The following CCDC81 variants were observed in gnomAD, a reference collection of about 807,000 sequenced individuals.
CCDC81 encodes coiled-coil domain containing 81, also known as coiled-coil domain-containing protein 81.
CCDC81 carries 79 observed loss-of-function variants against 83.7 expected under a neutral mutation model. The observed-to-expected ratio is 0.94, with a 90% CI of 0.79 to 1.14. The LOEUF (loss-of-function observed/expected upper bound fraction) is 1.14, where lower values mean the gene tolerates loss of function less well. Ranked by LOEUF, CCDC81 falls within the 50% of genes most tolerant of loss-of-function variation. The pLI is 0.00. For missense variants in CCDC81, 791 were observed against 778.1 expected, an observed-to-expected ratio of 1.02 and a Z score of -0.20; for synonymous variants, 252 against 278.1, an observed-to-expected ratio of 0.91 and a Z score of 0.93.
intron 1 of CCDC81, among the ~76,000 whole-genome samples, chr11:86,377,419 G>A (rs562749780): frequency 9.2e-5 from 14 of 152,244 alleles, no homozygotes; most frequent in African/African-American, 3.1e-4. Flanking sequence ...ATTCCCAAGA[G>A]CGATGAATGA....
intron 3 of CCDC81, among the ~76,000 whole-genome samples, chr11:86,389,289 C>A (rs1025476943): frequency 1.3e-5 from 2 of 151,868 alleles, no homozygotes; most frequent in South Asian, 4.2e-4. Context: ...AAATTTAAAA[C>A]CCCCAAAGAA....
intron 7 of CCDC81, among the ~76,000 whole-genome samples, chr11:86,401,867 T>G (rs941687518): frequency 2.0e-5 from 3 of 152,192 alleles, no homozygotes; most frequent in African/African-American, 7.2e-5. Context: ...CCAGGCGCAG[T>G]GGCTCACGCC....
At chr11:86,394,355 T>A (rs543914343) in intron 4 of CCDC81, among the ~76,000 whole-genome samples, 1 of 152,230 alleles carries the variant, frequency 6.6e-6, no homozygotes. Context: ...TGAAAACTGC[T>A]GATCGAATCA....
At chr11:86,386,766 T>A (rs1948246512) in intron 2 of CCDC81, among the ~76,000 whole-genome samples, 2 of 152,222 alleles carry the variant, frequency 1.3e-5, no homozygotes. Flanking sequence ...AAAAATCATA[T>A]AATGTTTTGG....
At position 86,404,256 on chromosome 11, in the gene CCDC81, T is replaced by C. The variant is rs540405776; in HGVS notation, c.882-3358T>C. The stretch of plus-strand genomic sequence containing the variant: ...ATTAAAAAATAAAGTGTTCTGCTTA[T>C]AGCAATATGGTGGTCTAAATAATCT... On this transcript the variant is annotated intron_variant, in intron 7 of 14. Coordinates refer to ENST00000445632, the MANE Select transcript of CCDC81 (RefSeq NM_001156474.2). Among the ~76,000 whole-genome samples the C allele has an allele frequency of 6.8e-4, 103 of 152,336 alleles. 1 individual carries two copies. Among genetic ancestry groups the C allele is most frequent in the African/African-American group, 2.2e-3 (90 of 41,564 alleles).
intron 1 of CCDC81, among the ~76,000 whole-genome samples, chr11:86,377,287 A>G (rs1948110344): frequency 6.6e-6 from 1 of 152,188 alleles, no homozygotes; most frequent in Non-Finnish European, 1.5e-5. Context: ...AAAACTGGAT[A>G]TAAGTTTTCA....
At position 86,392,682 on chromosome 11, in the gene CCDC81, C is replaced by T. The variant is rs759923255; in HGVS notation, c.440C>T (p.Thr147Ile). The T allele has an allele frequency of 3.1e-5, 48 of 1,551,332 alleles. No individual in the cohort carries two copies. The highest frequency in any genetic ancestry group is 1.3e-5 in the Non-Finnish European group (15 of 1,146,780). Residue 147 changes from threonine to isoleucine, a missense_variant, in exon 4 of 15, where the codon ACA (threonine) becomes ATA (isoleucine). Thr to Ile is a moderately conservative substitution (Grantham distance 89). Transcript: ENST00000445632. ...SISMKQNVEFTFKGIGVLMIR... is the reference protein window; with the variant it reads ...SISMKQNVEFIFKGIGVLMIR... ...TCCATGAAACAAAATGTGGAGTTTA[C>T]ATTCAAAGGAATTGGGGTCCTCATG...
chr11:86,394,004 A>G (rs1319740056), intron 4 of CCDC81, among the ~76,000 whole-genome samples: 1 of 151,924 alleles, frequency 6.6e-6, no homozygotes, highest in Non-Finnish European at 1.5e-5. Flanking sequence ...GCATAATGAA[A>G]CTCCTGGTGT....
At chr11:86,418,873 A>G (rs1948754043) in intron 13 of CCDC81, among the ~76,000 whole-genome samples, 1 of 152,048 alleles carries the variant, frequency 6.6e-6, no homozygotes, top group African/African-American at 2.4e-5. Context: ...TGTTTTTTTA[A>G]ACCACAAAAA....
chr11:86,421,928 T>C (rs1175345782), intron 14 of CCDC81, among the ~76,000 whole-genome samples: 1 of 142,050 alleles, frequency 7.0e-6, no homozygotes, highest in Non-Finnish European at 1.5e-5. Context: ...AAAAAAAAAA[T>C]CCACCCATGG....
chr11:86,421,080 T>C (rs1203455551), intron 14 of CCDC81, among the ~76,000 whole-genome samples: 2 of 152,150 alleles, frequency 1.3e-5, no homozygotes, highest in African/African-American at 2.4e-5. Flanking sequence ...TCCTGGTATA[T>C]CGTGGAGCAG....
At chr11:86,392,210 T>A (rs1432524309) in intron 3 of CCDC81, among the ~76,000 whole-genome samples, 1 of 152,228 alleles carries the variant, frequency 6.6e-6, no homozygotes, top group Non-Finnish European at 1.5e-5. Context: ...ATGAAAACTT[T>A]AGGAAACCCT....
rs1948351540 is a variant in CCDC81, at chr11:86,392,786, G to A, written c.544G>A (p.Ala182Thr). 1.9e-6 allele frequency: 3 copies of A among 1,548,720 alleles called. No homozygotes were observed. In the East Asian group the frequency reaches 7.3e-5, roughly 38 times the overall value. The change falls in exon 4 of 15, where the codon GCC (alanine) becomes ACC (threonine). Residue 182 changes from alanine (A) to threonine (T), a missense_variant. Coordinates refer to ENST00000445632, the MANE Select transcript of CCDC81 (RefSeq NM_001156474.2). ...GGATGGAAGTGGGGCTTTGGCAAAG[G>A]CCCTAGCAAATGTAAATTAATATTT... Reference protein sequence around the residue: ...TMDGSGALAKALANRPGTVDS... With the variant: ...TMDGSGALAKTLANRPGTVDS...
chr11:86,375,699 G>A (rs1164116810), intron 1 of CCDC81, among the ~76,000 whole-genome samples: 1 of 152,112 alleles, frequency 6.6e-6, no homozygotes, highest in East Asian at 1.9e-4. Context: ...AAGCTACAGG[G>A]TAAGTACTTT....
intron 3 of CCDC81, among the ~76,000 whole-genome samples, chr11:86,388,268 C>T (rs149137994): frequency 0.01 from 1,513 of 151,188 alleles, 10 homozygotes; most frequent in Non-Finnish European, 0.016. Flanking sequence ...AACTATGTGT[C>T]AGACCTTGTT....
intron 13 of CCDC81, among the ~76,000 whole-genome samples, chr11:86,415,916 C>T (rs532109881): frequency 2.3e-4 from 35 of 152,230 alleles, no homozygotes; most frequent in African/African-American, 7.7e-4. Flanking sequence ...TCAAGCAATC[C>T]TCCTGCCTCA....
intron 5 of CCDC81, among the ~76,000 whole-genome samples, chr11:86,396,513 T>C (rs1180593539): frequency 6.6e-6 from 1 of 152,014 alleles, no homozygotes; most frequent in Non-Finnish European, 1.5e-5. Flanking sequence ...GAAGTATGAG[T>C]AAAGTATAAA....
chr11:86,406,356 A>G (rs1472351083), intron 7 of CCDC81, among the ~76,000 whole-genome samples: 1 of 152,180 alleles, frequency 6.6e-6, no homozygotes, highest in Non-Finnish European at 1.5e-5. Context: ...GATGTTCTGC[A>G]TGACTATTCT....
chr11:86,375,574 G>A (rs998723571), intron 1 of CCDC81, among the ~76,000 whole-genome samples: 1 of 152,180 alleles, frequency 6.6e-6, no homozygotes, highest in Non-Finnish European at 1.5e-5. Flanking sequence ...TGCCTACCTA[G>A]AGAAAAGAGA....
Sources: allele counts gnomAD v4.1 joint callset (sites outside exome capture counted in the v4.1 genomes callset), GRCh38; gene constraint gnomAD v4.1.1; transcripts MANE v1.5; gene names NCBI Gene and HGNC (gene_info 2026-07-23, HGNC 2026-07-21).